Variants in RGS20 observed in about 807,000 individuals in gnomAD.
RGS20 encodes gz-selective GTPase-activating protein.
A neutral mutation model predicts 33.6 loss-of-function variants in RGS20; 30 were observed. That is an observed-to-expected ratio of 0.89 (90% CI 0.67 to 1.21). The LOEUF is 1.21. Among genes scored for constraint, RGS20 ranks in the 50% most tolerant of loss-of-function variants. The pLI is 0.00. For synonymous variants in RGS20, 208 were observed against 197.9 expected (o/e 1.05, Z -0.43); for missense variants, 472 against 502.4 (o/e 0.94, Z 0.58).
intron 3 of RGS20, among the ~76,000 whole-genome samples, chr8:53,942,470 CAAAAA>C (rs981214512): frequency 2.2e-5 from 3 of 139,356 alleles, no homozygotes; most frequent in Admixed American, 1.4e-4. Flanking sequence ...AAAACAAAAA[CAAAAA>C]AAAAAGAAAA....
intron 2 of RGS20, among the ~76,000 whole-genome samples, chr8:53,889,422 T>G (rs1317127500): frequency 6.1e-5 from 5 of 82,258 alleles, no homozygotes; most frequent in African/African-American, 3.5e-4. Flanking sequence ...CTTTTTTTTT[T>G]TTTTTTTTTT....
chr8:53,874,633 T>C (rs894006547), intron 1 of RGS20, among the ~76,000 whole-genome samples: 6 of 152,274 alleles, frequency 3.9e-5, no homozygotes, highest in Middle Eastern at 3.4e-3. Context: ...GAGGCCAAAT[T>C]CCTTTTGAGG....
At chr8:53,911,612 G>T (rs1813348652) in intron 2 of RGS20, among the ~76,000 whole-genome samples, 1 of 152,238 alleles carries the variant, frequency 6.6e-6, no homozygotes, top group East Asian at 1.9e-4. Context: ...AATCGAAAAG[G>T]TGTTATGAGA....
intron 2 of RGS20, among the ~76,000 whole-genome samples, chr8:53,904,654 C>G (rs1023014751): frequency 6.6e-6 from 1 of 152,148 alleles, no homozygotes; most frequent in Non-Finnish European, 1.5e-5. Flanking sequence ...AAGATTTTCC[C>G]AAGTGTTTAA....
chr8:53,958,663 A>C lies in RGS20; in HGVS notation c.*205A>C. ...GTGATACTTTTGAAAAAAAAAAATA[A>C]AGGGATATGGCTGTTGTAGAAAGAT... On this transcript the variant is annotated 3_prime_UTR_variant, in exon 6 of 6. Transcript: ENST00000297313. 1 of 287,366 alleles carries C rather than the reference A, an allele frequency of 3.5e-6. No homozygotes were observed. The highest frequency in any genetic ancestry group is 6.2e-6 in the Non-Finnish European group (1 of 160,754). The allele number at this position is 287,366 out of a possible 1,614,324, so 17.8% of individuals were successfully genotyped here. A position where few individuals can be genotyped will look rare whatever the true frequency, so the allele number is the denominator to read the frequency against.
chr8:53,953,094 AC>A (rs2129294048), intron 4 of RGS20, among the ~76,000 whole-genome samples: 1 of 152,350 alleles, frequency 6.6e-6, no homozygotes, highest in South Asian at 2.1e-4. Flanking sequence ...ATGACAAATT[AC>A]CTAATGAGTA....
intron 1 of RGS20, among the ~76,000 whole-genome samples, chr8:53,872,985 T>C (rs1421796413): frequency 6.6e-6 from 1 of 152,132 alleles, no homozygotes; most frequent in Non-Finnish European, 1.5e-5. Flanking sequence ...GGAATTGTAA[T>C]CCCCAGTGTT....
chr8:53,867,309 A>T (rs975789229), intron 1 of RGS20, among the ~76,000 whole-genome samples: 1 of 152,146 alleles, frequency 6.6e-6, no homozygotes, highest in Admixed American at 6.5e-5. Context: ...TACGTTTCTC[A>T]TGCTACATTT....
chr8:53,865,752 G>A (rs777184755), intron 1 of RGS20, among the ~76,000 whole-genome samples: 2 of 152,162 alleles, frequency 1.3e-5, no homozygotes, highest in African/African-American at 2.4e-5. Flanking sequence ...GATGACAGGT[G>A]TGCACCACCA....
chr8:53,944,608 T>C (rs1049038760), intron 3 of RGS20, among the ~76,000 whole-genome samples: 1 of 150,208 alleles, frequency 6.7e-6, no homozygotes, highest in African/African-American at 2.4e-5. Context: ...GAATTGGAAA[T>C]AGGTAAAATT....
chr8:53,884,380 G>C (rs1323390828), intron 2 of RGS20, among the ~76,000 whole-genome samples: 1 of 151,948 alleles, frequency 6.6e-6, no homozygotes, highest in Non-Finnish European at 1.5e-5. Context: ...ATTTTTTATA[G>C]AGACAGGATC....
At chr8:53,852,160 C>A in intron 1 of RGS20, 1 of 1,128,764 alleles carries the variant, frequency 8.9e-7, no homozygotes, top group Non-Finnish European at 1.2e-6. Flanking sequence ...AGTGCCATTG[C>A]TCACTTATCT....
Position 53,954,105 on chromosome 8 carries a change from C to G in RGS20, c.773C>G (p.Ala258Gly). Reference sequence around the variant, plus strand: ...GCTCCTACTCTGGAAGAAGTCAACGCCTGGGCTCAGTCATTTGACAAATTA... The same window carrying G: ...GCTCCTACTCTGGAAGAAGTCAACGGCTGGGCTCAGTCATTTGACAAATTA... Residue 258 changes from alanine to glycine, a missense_variant, in exon 5 of 6, where the codon GCC becomes GGC. Physicochemically the swap from Ala to Gly is moderately conservative, Grantham distance 60. Transcript: ENST00000297313. The G allele has an allele frequency of 6.2e-7, 1 of 1,614,008 alleles. No individual in the cohort carries two copies. Among genetic ancestry groups the G allele is most frequent in the Non-Finnish European group, 8.5e-7 (1 of 1,179,974 alleles).
intron 4 of RGS20, among the ~76,000 whole-genome samples, chr8:53,947,032 T>G (rs984121895): frequency 3.4e-5 from 5 of 148,112 alleles, no homozygotes; most frequent in African/African-American, 1.2e-4. Context: ...TTTTATATAA[T>G]ATACTTTTAA....
intron 2 of RGS20, among the ~76,000 whole-genome samples, chr8:53,939,159 T>C (rs1013256350): frequency 2.6e-5 from 4 of 152,122 alleles, no homozygotes; most frequent in African/African-American, 9.7e-5. Context: ...TCCTCCCATA[T>C]CTGAGCGTTG....
intron 1 of RGS20, among the ~76,000 whole-genome samples, chr8:53,859,197 C>T (rs1811752633): frequency 6.6e-6 from 1 of 152,148 alleles, no homozygotes; most frequent in Admixed American, 6.5e-5. Flanking sequence ...ATTTAAATAA[C>T]AAACGAACAA....
intron 5 of RGS20, among the ~76,000 whole-genome samples, chr8:53,955,792 T>C (rs553862507): frequency 4.6e-4 from 70 of 152,172 alleles, no homozygotes; most frequent in African/African-American, 1.7e-3. Context: ...GATTGCGTCA[T>C]TGCACTCCAG....
chr8:53,873,754 G>C (rs1419181008), intron 1 of RGS20, among the ~76,000 whole-genome samples: 1 of 152,174 alleles, frequency 6.6e-6, no homozygotes, highest in Non-Finnish European at 1.5e-5. Flanking sequence ...TATGTCAGAT[G>C]GTGACAAGTG....
At position 53,939,609 on chromosome 8, in the gene RGS20, C is replaced by T. The variant is rs552283316; in HGVS notation, c.544C>T (p.Arg182Trp). 1.8e-5 allele frequency: 29 copies of T among 1,603,908 alleles called. No homozygotes were observed. The South Asian group carries it at 3.1e-4, about 17-fold the overall frequency. The change falls in exon 3 of 6, where the codon CGG becomes TGG. Residue 182 changes from arginine (R) to tryptophan (W), a missense_variant. Arg to Trp is a moderately radical substitution (Grantham distance 101). Coordinates refer to ENST00000297313, the MANE Select transcript of RGS20 (RefSeq NM_170587.4). The stretch of plus-strand genomic sequence containing the variant: ...ATCAGAGCGGATGGAGATGCGGAAG[C>T]GGCAGATGCCCGCCGCCCAGGACAC...
Sources: allele counts gnomAD v4.1 joint callset (sites outside exome capture counted in the v4.1 genomes callset), GRCh38; gene constraint gnomAD v4.1.1; transcripts MANE v1.5; gene names NCBI Gene and HGNC (gene_info 2026-07-23, HGNC 2026-07-21).